The following ANGPTL2 variants were observed in gnomAD, a reference collection of about 807,000 sequenced individuals.
The protein encoded by ANGPTL2 is angiopoietin like 2, also known as angiopoietin-related protein 2.
Under a neutral mutation model 52.8 loss-of-function variants are expected in ANGPTL2, and 25 were observed. The observed-to-expected ratio is 0.47, with a 90% confidence interval of 0.35 to 0.66. The LOEUF (loss-of-function observed/expected upper bound fraction) is 0.66, where lower values mean the gene tolerates loss of function less well. Ranked by LOEUF, ANGPTL2 falls within the 30% of genes least tolerant of loss-of-function variation. The pLI is 0.01. For missense variants in ANGPTL2, 546 were observed against 656.9 expected, an observed-to-expected ratio of 0.83 and a Z score of 1.84; for synonymous variants, 276 against 277.4, an observed-to-expected ratio of 1.00 and a Z score of 0.05.
rs374312179 is a variant in ANGPTL2, at chr9:127,108,521, C to T, written c.211G>A (p.Val71Ile). The T allele has an allele frequency of 1.5e-5, 25 of 1,612,930 alleles. No homozygotes were observed. Among genetic ancestry groups the T allele is most frequent in the African/African-American group, 5.4e-5 (4 of 74,472 alleles). The stretch of plus-strand genomic sequence containing the variant: ...AGCACCTCAGGCTCCTTGGAGTTGA[C>T]GCAGATGGCACCCGTGACCCGCTGC... ...PQQRVTGAIC[V>I]NSKEPEVLLE... The change falls in exon 2 of 5, where the codon GTC becomes ATC. Residue 71 changes from valine (V) to isoleucine (I), a missense_variant. Coordinates refer to ENST00000373425, the MANE Select transcript of ANGPTL2 (RefSeq NM_012098.3).
rs116561657 is a variant in ANGPTL2 at position 127,112,570 on chromosome 9, C to T, written c.-49-3790G>A. On this transcript the variant is annotated intron_variant, in intron 1 of 4. Transcript: ENST00000373425. The stretch of plus-strand genomic sequence containing the variant: ...ACTATTTATGGTTGAGTTCTATCCT[C>T]TCCCAAACATGGGCTCTCACAGCTC... 2.4e-3 allele frequency among the ~76,000 whole-genome samples: 371 copies of T among 152,376 alleles called. 3 individuals are homozygous for T. The highest frequency in any genetic ancestry group is 8.4e-3 in the African/African-American group (350 of 41,596).
At chr9:127,109,977 C>T (rs147390846) in intron 1 of ANGPTL2, among the ~76,000 whole-genome samples, 1 of 152,328 alleles carries the variant, frequency 6.6e-6, no homozygotes, top group South Asian at 2.1e-4. Flanking sequence ...TCCAGCAGTC[C>T]TCACCGTCTC....
At chr9:127,101,493 G>GACCCTCCATCCTTC (rs1188061185) in intron 2 of ANGPTL2, among the ~76,000 whole-genome samples, 1 of 151,944 alleles carries the variant, frequency 6.6e-6, no homozygotes, top group Non-Finnish European at 1.5e-5. Context: ...CTCTATCCTT[G>GACCCTCCATCCTTC]ACCCTCCATC....
chr9:127,094,435 A>T (rs1190538594), intron 2 of ANGPTL2, among the ~76,000 whole-genome samples: 1 of 152,252 alleles, frequency 6.6e-6, no homozygotes, highest in Non-Finnish European at 1.5e-5. Context: ...CTGGGGGCCA[A>T]GTACAGTTGG....
At position 127,122,130 on chromosome 9, in the gene ANGPTL2, C is replaced by T. The variant is rs546967801; in HGVS notation, c.-50+185G>A. Among the ~76,000 whole-genome samples, 13 of 152,218 alleles carry T rather than the reference C, an allele frequency of 8.5e-5. No individual in the cohort carries two copies. The highest frequency in any genetic ancestry group is 1.8e-4 in the Non-Finnish European group (12 of 68,024). ...CATGATCATGTGCCCCCAAACACCA[C>T]CAAATGTCCACAGGTTCTGCCCCGG... On this transcript the variant is annotated intron_variant, in intron 1 of 4. Coordinates refer to ENST00000373425, the MANE Select transcript of ANGPTL2 (RefSeq NM_012098.3). The surrounding 1 kb of genome is among the most constrained non-coding windows in gnomAD (Gnocchi z 6.4).
In ANGPTL2 at chr9:127,087,842, T is replaced by C. The variant is rs1385739576; in HGVS notation, c.*1097A>G. On this transcript the variant is annotated 3_prime_UTR_variant, in exon 5 of 5. Transcript: ENST00000373425. ...CCATCTGGGGGCTCTGATGATCTGA[T>C]GACTTCTGTTCTGAGATAATTCTCC... 1.3e-5 allele frequency: 2 copies of C among 152,462 alleles called. No individual in the cohort carries two copies. The highest frequency in any genetic ancestry group is 6.5e-5 in the Admixed American group (1 of 15,284). 9.4% of individuals were successfully genotyped at this position (152,462 alleles called of 1,614,324 possible). A position where few individuals can be genotyped will look rare whatever the true frequency, so the allele number is the denominator to read the frequency against.
intron 2 of ANGPTL2, among the ~76,000 whole-genome samples, chr9:127,106,320 G>C (rs1293406216): frequency 6.6e-6 from 1 of 152,294 alleles, no homozygotes; most frequent in East Asian, 1.9e-4. Flanking sequence ...CTCTTTCAGA[G>C]CTTCTGATTT....
At chr9:127,108,960 C>T (rs1257784542) in intron 1 of ANGPTL2, among the ~76,000 whole-genome samples, 180 bp from the exon 2 acceptor site, 1 of 152,210 alleles carries the variant, frequency 6.6e-6, no homozygotes, top group African/African-American at 2.4e-5. Flanking sequence ...CAAGAGGAGA[C>T]AGGCAAGCCC....
chr9:127,118,449 A>G (rs922633367), intron 1 of ANGPTL2, among the ~76,000 whole-genome samples: 1 of 152,266 alleles, frequency 6.6e-6, no homozygotes, highest in Non-Finnish European at 1.5e-5. Context: ...ATGCTATTCA[A>G]TGAATTGATT....
rs539328639 is a variant in ANGPTL2 at position 127,097,305 on chromosome 9, G to C, written c.818-3379C>G. On this transcript the variant is annotated intron_variant, in intron 2 of 4. Transcript: ENST00000373425. Reference sequence around the variant, plus strand: ...AGGCAAACGGGGTAATTCTTTTAAGGCTTTCTAGAATAATCGAGTAGGTAT... The same window carrying C: ...AGGCAAACGGGGTAATTCTTTTAAGCCTTTCTAGAATAATCGAGTAGGTAT... Among the ~76,000 whole-genome samples, 13 of 152,230 alleles carry C rather than the reference G, an allele frequency of 8.5e-5. No individual in the cohort carries two copies. In the South Asian group the frequency reaches 2.5e-3, roughly 29 times the overall value.
intron 1 of ANGPTL2, among the ~76,000 whole-genome samples, chr9:127,121,774 C>G (rs1028079813): frequency 6.6e-6 from 1 of 152,232 alleles, no homozygotes; most frequent in African/African-American, 2.4e-5. Context: ...CCTCTGCTCT[C>G]CTCGCCAGCT....
chr9:127,122,361 C>T lies in ANGPTL2; in HGVS notation c.-96G>A, dbSNP rs1289653163. 6.6e-6 allele frequency: 1 copy of T among 152,512 alleles called. No individual in the cohort carries two copies. Among genetic ancestry groups the T allele is most frequent in the African/African-American group, 2.4e-5 (1 of 41,408 alleles). The allele number at this position is 152,512 out of a possible 1,614,324, so 9.4% of individuals were successfully genotyped here. On this transcript the variant is annotated 5_prime_UTR_variant, in exon 1 of 5. Coordinates refer to ENST00000373425, the MANE Select transcript of ANGPTL2 (RefSeq NM_012098.3). This position sits in a 1 kb window ranked among gnomAD's most constrained non-coding sequence, Gnocchi z 6.4. ...CGGGGCGGCTCCTCACATGCTTCACCCTGGCCGTCAGCGGGGCAGCCTGTC... is the reference window on the plus strand; with the variant it reads ...CGGGGCGGCTCCTCACATGCTTCACTCTGGCCGTCAGCGGGGCAGCCTGTC...
chr9:127,118,279 A>G (rs2055655837), intron 1 of ANGPTL2, among the ~76,000 whole-genome samples: 1 of 152,248 alleles, frequency 6.6e-6, no homozygotes, highest in Non-Finnish European at 1.5e-5. Flanking sequence ...GAACTCAGTC[A>G]TATGGCTCAC....
chr9:127,094,073 G>A (rs2052824579), intron 2 of ANGPTL2, 147 bp from the exon 3 acceptor site: 11 of 789,896 alleles, frequency 1.4e-5, no homozygotes, highest in African/African-American at 3.5e-5. Context: ...TTTGTTTTGC[G>A]AGTTTAATAA....
intron 1 of ANGPTL2, among the ~76,000 whole-genome samples, chr9:127,113,399 G>GT (rs1360211184): frequency 2.0e-5 from 3 of 151,784 alleles, no homozygotes; most frequent in East Asian, 3.9e-4. Flanking sequence ...CCCCCCAGCA[G>GT]TTTTTTGCCA....
intron 2 of ANGPTL2, among the ~76,000 whole-genome samples, chr9:127,105,848 C>T (rs1450126482): frequency 6.6e-6 from 1 of 152,188 alleles, no homozygotes; most frequent in Non-Finnish European, 1.5e-5. Context: ...CACCTACTTC[C>T]CCAAGTCTAG....
At chr9:127,114,203 T>G (rs1434748094) in intron 1 of ANGPTL2, among the ~76,000 whole-genome samples, 1 of 152,210 alleles carries the variant, frequency 6.6e-6, no homozygotes, top group African/African-American at 2.4e-5. Context: ...ACAACTCACA[T>G]TCATAGTCTT....
At chr9:127,116,778 A>G (rs2055472233) in intron 1 of ANGPTL2, among the ~76,000 whole-genome samples, 1 of 152,216 alleles carries the variant, frequency 6.6e-6, no homozygotes, top group Non-Finnish European at 1.5e-5. Context: ...TGTCTGCCTC[A>G]CTGATCCCGG....
At chr9:127,111,405 TGCTCCATGTGCA>T (rs1320229805) in intron 1 of ANGPTL2, among the ~76,000 whole-genome samples, 1 of 152,246 alleles carries the variant, frequency 6.6e-6, no homozygotes. Context: ...TGTTGGTCAC[TGCTCCATGTGCA>T]GTGCCTACCA....
Sources: gnomAD v4.1 joint callset for allele counts (sites outside exome capture counted in the v4.1 genomes callset) on GRCh38, gnomAD v4.1.1 for gene constraint, Gnocchi (gnomAD v3.1) non-coding constraint, MANE v1.5 for transcripts, NCBI Gene and HGNC (gene_info 2026-07-23, HGNC 2026-07-21) for gene names.